The following GRM5 variants were observed in gnomAD, a reference collection of about 807,000 sequenced individuals.
GRM5 encodes the protein metabotropic glutamate receptor 5.
In GRM5, 19 loss-of-function variants were observed where a neutral mutation model predicts 83.1. The observed-to-expected ratio is 0.23, with a 90% CI of 0.16 to 0.34. The LOEUF is 0.34. Ranked by LOEUF, GRM5 falls within the 10% of genes least tolerant of loss-of-function variation. The pLI, the probability that GRM5 is intolerant of heterozygous loss-of-function variation, is 1.00. For missense variants in GRM5, 1,160 were observed against 1,588.3 expected (o/e 0.73, Z 4.58); for synonymous variants, 675 against 633.6 (o/e 1.07, Z -0.98).
chr11:88,744,454 G>C (rs1942091462), intron 3 of GRM5, among the ~76,000 whole-genome samples: 1 of 152,128 alleles, frequency 6.6e-6, no homozygotes, highest in African/African-American at 2.4e-5. Context: ...TTATTTTATA[G>C]CTTTTGCAAC....
At chr11:88,783,139 A>T (rs1222450263) in intron 3 of GRM5, among the ~76,000 whole-genome samples, 2 of 152,082 alleles carry the variant, frequency 1.3e-5, no homozygotes, top group South Asian at 2.1e-4. Flanking sequence ...TTGTGTCTAC[A>T]CTTTTAAAAG....
At chr11:88,809,610 G>A (rs950367132) in intron 3 of GRM5, among the ~76,000 whole-genome samples, 2 of 152,070 alleles carry the variant, frequency 1.3e-5, no homozygotes, top group Non-Finnish European at 2.9e-5. Context: ...TTAATGACTG[G>A]TAAAGATAAT....
intron 3 of GRM5, among the ~76,000 whole-genome samples, chr11:88,690,070 G>A (rs80103527): frequency 0.024 from 3,663 of 152,124 alleles, 125 homozygotes; most frequent in African/African-American, 0.082. Flanking sequence ...AGCAAGGGAG[G>A]CGCTGATAAA....
chr11:88,572,770 T>C (rs1289870582), intron 7 of GRM5, among the ~76,000 whole-genome samples: 1 of 152,164 alleles, frequency 6.6e-6, no homozygotes, highest in Non-Finnish European at 1.5e-5. Context: ...TCAATGGTTG[T>C]ATTTTTTATC....
chr11:88,761,792 G>C lies in GRM5; in HGVS notation c.911+88114C>G, dbSNP rs117029678. Among the ~76,000 whole-genome samples the C allele has an allele frequency of 3.0e-4, 45 of 152,112 alleles. No individual in the cohort carries two copies. The East Asian group carries it at 7.5e-3, about 25-fold the overall frequency. The stretch of plus-strand genomic sequence containing the variant: ...CAAAGCCAGAGACATCACACTACCT[G>C]ACTTCCAGCTATACTACAGGACTAC... On this transcript the variant is annotated intron_variant, in intron 3 of 9. Transcript: ENST00000305447.
At chr11:88,535,660 G>A (rs980553382) in intron 8 of GRM5, among the ~76,000 whole-genome samples, 6 of 151,974 alleles carry the variant, frequency 3.9e-5, no homozygotes, top group African/African-American at 1.5e-4. Context: ...TGCTATACTT[G>A]GTTTCATTAG....
chr11:88,604,808 C>A lies in GRM5; in HGVS notation c.1304G>T (p.Arg435Leu), dbSNP rs200410516. 1 of 1,613,276 alleles carries A rather than the reference C, an allele frequency of 6.2e-7. No homozygotes were observed. The highest frequency in any genetic ancestry group is 8.5e-7 in the Non-Finnish European group (1 of 1,179,266). Residue 435 changes from arginine (R) to leucine (L), a missense_variant, in exon 5 of 10, where the codon CGG becomes CTG. By Grantham distance (102) the Arg-to-Leu change is moderately radical. Around this residue, in one of 9 missense-constraint regions of GRM5, gnomAD observed 132 missense variants for 197.6 expected, o/e 0.67. Coordinates refer to ENST00000305447, the MANE Select transcript of GRM5 (RefSeq NM_001143831.3). Reference sequence around the variant, plus strand: ...TTTCATCAGGGACTCCAAAAGTTTCCGTCCATCAATTGGCTTCATGGCATC... The same window carrying A: ...TTTCATCAGGGACTCCAAAAGTTTCAGTCCATCAATTGGCTTCATGGCATC... Reference protein sequence around the residue: ...LCDAMKPIDGRKLLESLMKTN... With the variant: ...LCDAMKPIDGLKLLESLMKTN...
At chr11:88,848,651 C>G (rs1455476255) in intron 3 of GRM5, among the ~76,000 whole-genome samples, 2 of 152,202 alleles carry the variant, frequency 1.3e-5, no homozygotes, top group East Asian at 3.8e-4. Context: ...TCCAGTGTTA[C>G]CATCTCAGAA....
rs137924371 is a variant in GRM5, at chr11:88,954,593, C to T, written c.661+92619G>A. ...GTCTATAAATCTAAGCTGTTTGATA[C>T]CAGTGGCTATTGAGTACTTGAAATG... is the stretch of plus-strand genomic sequence containing the variant. On this transcript the variant is annotated intron_variant, in intron 2 of 9. Coordinates refer to ENST00000305447, the MANE Select transcript of GRM5 (RefSeq NM_001143831.3). 1.3e-3 allele frequency among the ~76,000 whole-genome samples: 202 copies of T among 152,310 alleles called. 1 individual carries two copies. The East Asian group carries it at 0.017, about 13-fold the overall frequency.
At position 88,767,377 on chromosome 11, in the gene GRM5, A is replaced by G. The variant is rs115541769; in HGVS notation, c.911+82529T>C. Among the ~76,000 whole-genome samples, 385 of 152,180 alleles carry G rather than the reference A, an allele frequency of 2.5e-3. 1 individual carries two copies. The highest frequency in any genetic ancestry group is 8.9e-3 in the African/African-American group (370 of 41,558). On this transcript the variant is annotated intron_variant, in intron 3 of 9. Transcript: ENST00000305447. ...CTACCATAAAAACACATGTATGTGT[A>G]TATTCATTGCAGCACTATTCACAAT...
intron 2 of GRM5, among the ~76,000 whole-genome samples, chr11:88,939,691 T>C (rs1450809018): frequency 6.6e-6 from 1 of 151,884 alleles, no homozygotes; most frequent in Non-Finnish European, 1.5e-5. Flanking sequence ...CTAATACGTA[T>C]GTGTGCGCGT....
At chr11:88,754,761 T>C (rs1423457488) in intron 3 of GRM5, among the ~76,000 whole-genome samples, 4 of 152,186 alleles carry the variant, frequency 2.6e-5, no homozygotes, top group Non-Finnish European at 5.9e-5. Flanking sequence ...TTCCACCTTT[T>C]TATCCCCTCC....
intron 2 of GRM5, among the ~76,000 whole-genome samples, chr11:88,955,886 T>C (rs1226147867): frequency 6.6e-6 from 1 of 152,268 alleles, no homozygotes; most frequent in Non-Finnish European, 1.5e-5. Context: ...AAAGCCTTGT[T>C]ATTAGTTAGT....
chr11:88,777,908 G>C (rs1942890753), intron 3 of GRM5, among the ~76,000 whole-genome samples: 1 of 152,128 alleles, frequency 6.6e-6, no homozygotes. Flanking sequence ...GCTACACAGG[G>C]GTCAGGGACC....
chr11:88,677,063 C>T (rs923138880), intron 3 of GRM5, among the ~76,000 whole-genome samples: 34 of 152,000 alleles, frequency 2.2e-4, no homozygotes, highest in African/African-American at 8.2e-4. Flanking sequence ...TAATTAAGAA[C>T]TCTACACTTC....
intron 2 of GRM5, among the ~76,000 whole-genome samples, chr11:88,909,545 TACAC>T (rs60637208): frequency 0.51 from 74,856 of 146,048 alleles, 20,035 homozygotes; most frequent in South Asian, 0.66. Context: ...TCCTCACCAG[TACAC>T]ACACACACAC....
At chr11:88,983,467 GATGTCATAGTTATTATA>G (rs1939592800) in intron 2 of GRM5, among the ~76,000 whole-genome samples, 1 of 152,154 alleles carries the variant, frequency 6.6e-6, no homozygotes, top group Admixed American at 6.5e-5. Context: ...ATTGCCTAGT[GATGTCATAGTTATTATA>G]ATGTCATAGT....
In GRM5 at chr11:88,683,568, A is replaced by C. The variant is rs140055530; in HGVS notation, c.912-30165T>G. Among the ~76,000 whole-genome samples, 590 of 152,324 alleles carry C rather than the reference A, an allele frequency of 3.9e-3. 3 individuals carry two copies. The highest frequency in any genetic ancestry group is 0.013 in the African/African-American group (552 of 41,576). On this transcript the variant is annotated intron_variant, in intron 3 of 9. Coordinates refer to ENST00000305447, the MANE Select transcript of GRM5 (RefSeq NM_001143831.3). The stretch of plus-strand genomic sequence containing the variant: ...GTTCTCATTGTCTTCAAAACTCACT[A>C]ATATTCCCTCAGAATATTTTGAAAA...
chr11:89,016,736 A>G (rs1591050741), intron 2 of GRM5, among the ~76,000 whole-genome samples: 2 of 152,296 alleles, frequency 1.3e-5, no homozygotes, highest in Admixed American at 1.3e-4. Flanking sequence ...TTGTGAGGCC[A>G]AGTCAATAAA....
Sources: allele counts gnomAD v4.1 joint callset (sites outside exome capture counted in the v4.1 genomes callset), GRCh38; gene constraint gnomAD v4.1.1; regional missense constraint gnomAD v4.1.1; transcripts MANE v1.5; gene names NCBI Gene and HGNC (gene_info 2026-07-23, HGNC 2026-07-21).